The following ARHGAP15 variants were observed in gnomAD, a reference collection of about 807,000 sequenced individuals.
The protein encoded by ARHGAP15 is rho GTPase-activating protein 15.
A neutral mutation model predicts 63.7 loss-of-function variants in ARHGAP15; 51 were observed. The ratio of observed to expected loss-of-function variants is 0.80; its 90% CI spans 0.64 to 1.01. ARHGAP15 has a LOEUF of 1.01. Among genes scored for constraint, ARHGAP15 ranks in the 50% least tolerant of loss-of-function variants. ARHGAP15 has a pLI of 0.00. For synonymous variants in ARHGAP15, 191 were observed against 193.8 expected, an observed-to-expected ratio of 0.99 and a Z score of 0.12; for missense variants, 560 against 564.6, an observed-to-expected ratio of 0.99 and a Z score of 0.08.
At chr2:143,405,678 G>A (rs80091698) in intron 6 of ARHGAP15, among the ~76,000 whole-genome samples, 10 of 151,888 alleles carry the variant, frequency 6.6e-5, no homozygotes, top group South Asian at 2.1e-4. Context: ...AATGTATTAC[G>A]AGACTCACAT....
At chr2:143,223,922 C>T (rs1403442198) in intron 4 of ARHGAP15, among the ~76,000 whole-genome samples, 1 of 152,186 alleles carries the variant, frequency 6.6e-6, no homozygotes, top group Admixed American at 6.5e-5. Context: ...TAGGCTCATT[C>T]AGAAGACTTG....
At chr2:143,202,564 A>G (rs1692163049) in intron 3 of ARHGAP15, among the ~76,000 whole-genome samples, 1 of 151,772 alleles carries the variant, frequency 6.6e-6, no homozygotes, top group Non-Finnish European at 1.5e-5. Context: ...ATGAGAAGGC[A>G]AGAGGGAGAG....
intron 2 of ARHGAP15, among the ~76,000 whole-genome samples, chr2:143,199,168 G>A (rs1286949206): frequency 6.6e-6 from 1 of 152,100 alleles, no homozygotes; most frequent in East Asian, 1.9e-4. Context: ...ATTAATAAGT[G>A]TGAATTTTGG....
intron 10 of ARHGAP15, among the ~76,000 whole-genome samples, chr2:143,542,703 AATAT>A (rs1279593350): frequency 7.3e-6 from 1 of 136,708 alleles, no homozygotes; most frequent in African/African-American, 2.7e-5. Context: ...TCACATATAT[AATAT>A]ATATGATATA....
chr2:143,448,498 T>C (rs926398869), intron 8 of ARHGAP15, among the ~76,000 whole-genome samples: 1 of 152,058 alleles, frequency 6.6e-6, no homozygotes, highest in Non-Finnish European at 1.5e-5. Context: ...GAATAGACCA[T>C]GTACCATATG....
At chr2:143,522,878 G>A (rs1034218303) in intron 10 of ARHGAP15, among the ~76,000 whole-genome samples, 1 of 152,146 alleles carries the variant, frequency 6.6e-6, no homozygotes, top group Non-Finnish European at 1.5e-5. Flanking sequence ...AACACTTTGT[G>A]TAGTTTATGA....
intron 11 of ARHGAP15, among the ~76,000 whole-genome samples, chr2:143,582,546 CCAT>C (rs1383683245): frequency 6.6e-6 from 1 of 152,116 alleles, no homozygotes; most frequent in African/African-American, 2.4e-5. Flanking sequence ...AGAGCAAACT[CCAT>C]CACTTTTTAA....
At chr2:143,511,473 T>TA (rs1205031629) in intron 9 of ARHGAP15, among the ~76,000 whole-genome samples, 2 of 152,158 alleles carry the variant, frequency 1.3e-5, no homozygotes, top group Non-Finnish European at 2.9e-5. Flanking sequence ...TGCATATTTT[T>TA]ATGGTTGTTA....
At chr2:143,390,654 G>A (rs1687496424) in intron 6 of ARHGAP15, among the ~76,000 whole-genome samples, 1 of 151,684 alleles carries the variant, frequency 6.6e-6, no homozygotes, top group African/African-American at 2.4e-5. Flanking sequence ...CCAGCCAAGT[G>A]TGCTTCCTAG....
Position 143,161,365 on chromosome 2 carries a change from G to A in ARHGAP15, c.165+5710G>A, listed in dbSNP as rs537962614. On this transcript the variant is annotated intron_variant, in intron 2 of 13. Transcript: ENST00000295095. Reference sequence around the variant, plus strand: ...CATTGTTTTGTTACAGAGCAGAGGGGTAATTAAAATTCCAAATTACAGTCC... The same window carrying A: ...CATTGTTTTGTTACAGAGCAGAGGGATAATTAAAATTCCAAATTACAGTCC... 4.6e-5 allele frequency among the ~76,000 whole-genome samples: 7 copies of A among 151,994 alleles called. No individual in the cohort carries two copies. In the South Asian group the frequency reaches 1.0e-3, roughly 22 times the overall value.
chr2:143,168,444 G>A (rs2105040779), intron 2 of ARHGAP15, among the ~76,000 whole-genome samples: 2 of 152,206 alleles, frequency 1.3e-5, no homozygotes, highest in African/African-American at 4.8e-5. Context: ...CTTCCAAAGT[G>A]CTGGGATTAC....
chr2:143,471,450 G>A (rs1371454152), intron 8 of ARHGAP15, among the ~76,000 whole-genome samples: 1 of 151,604 alleles, frequency 6.6e-6, no homozygotes, highest in Non-Finnish European at 1.5e-5. Context: ...TGGGAGAGAA[G>A]AAAAAAGAGA....
At chr2:143,487,594 C>A (rs1692385661) in intron 9 of ARHGAP15, 99 bp downstream of exon 9, 1 of 1,310,516 alleles carries the variant, frequency 7.6e-7, no homozygotes, top group Non-Finnish European at 1.0e-6. Flanking sequence ...ATATTTTATT[C>A]TTCTTAGGTT....
chr2:143,196,232 G>C (rs1007372387), intron 2 of ARHGAP15, among the ~76,000 whole-genome samples: 1 of 151,986 alleles, frequency 6.6e-6, no homozygotes, highest in South Asian at 2.1e-4. Context: ...GTGGTGGGTG[G>C]TGATAAATAA....
chr2:143,181,259 A>T (rs1340823141), intron 2 of ARHGAP15, among the ~76,000 whole-genome samples: 1 of 152,190 alleles, frequency 6.6e-6, no homozygotes, highest in Non-Finnish European at 1.5e-5. Flanking sequence ...AAATACAGGC[A>T]AAGTATATTT....
intron 12 of ARHGAP15, among the ~76,000 whole-genome samples, chr2:143,637,932 A>G (rs1021740805): frequency 6.6e-6 from 1 of 152,154 alleles, no homozygotes; most frequent in Admixed American, 6.5e-5. Flanking sequence ...AGAGAAATGC[A>G]AATCTAAACC....
chr2:143,296,138 A>G (rs1682624854), intron 6 of ARHGAP15, among the ~76,000 whole-genome samples: 1 of 151,920 alleles, frequency 6.6e-6, no homozygotes, highest in African/African-American at 2.4e-5. Context: ...CCCTCCCTCA[A>G]ATCAAGGGAT....
intron 3 of ARHGAP15, among the ~76,000 whole-genome samples, chr2:143,212,928 C>A (rs1161297269): frequency 2.6e-5 from 4 of 152,146 alleles, no homozygotes; most frequent in African/African-American, 9.7e-5. Context: ...AGACCCTTTA[C>A]AATGCAGTGC....
At chr2:143,660,211 T>C (rs144904886) in intron 12 of ARHGAP15, among the ~76,000 whole-genome samples, 49 of 152,358 alleles carry the variant, frequency 3.2e-4, no homozygotes, top group African/African-American at 1.1e-3. Context: ...TTGATCTGTT[T>C]TTTTTAAATT....
Sources: allele counts gnomAD v4.1 joint callset (sites outside exome capture counted in the v4.1 genomes callset), GRCh38; gene constraint gnomAD v4.1.1; transcripts MANE v1.5; gene names NCBI Gene and HGNC (gene_info 2026-07-23, HGNC 2026-07-21).